The following TENM3 variants were observed in gnomAD, a reference collection of about 807,000 sequenced individuals.
The protein encoded by TENM3 is teneurin transmembrane protein 3.
In TENM3, 63 loss-of-function variants were observed where a neutral mutation model predicts 255.1. The observed-to-expected ratio is 0.25, with a 90% CI of 0.20 to 0.30. The LOEUF (loss-of-function observed/expected upper bound fraction) is 0.30. TENM3 is among the 10% of genes least tolerant of loss of function. The pLI is 1.00. For missense variants in TENM3, 2,929 were observed against 3,461.1 expected (o/e 0.85, Z 3.86); for synonymous variants, 1,306 against 1,322.3 (o/e 0.99, Z 0.27).
the TENM3 span, among the ~76,000 whole-genome samples, chr4:181,693,478 C>T: frequency 6.6e-6 from 1 of 152,166 alleles, no homozygotes; most frequent in Non-Finnish European, 1.5e-5. Flanking sequence ...GTCATCATCC[C>T]ATCTGAAACG....
chr4:182,011,976 G>C, the TENM3 span, among the ~76,000 whole-genome samples: 1 of 152,152 alleles, frequency 6.6e-6, no homozygotes, highest in Non-Finnish European at 1.5e-5. Context: ...AGACTTCATG[G>C]AGAGACCTAG....
chr4:182,472,668 A>G (rs2151461283), intron 3 of TENM3, among the ~76,000 whole-genome samples: 1 of 152,306 alleles, frequency 6.6e-6, no homozygotes, highest in East Asian at 1.9e-4. Flanking sequence ...AATAATTGCA[A>G]AGGATTAATT....
At chr4:181,984,952 T>C in the TENM3 span, among the ~76,000 whole-genome samples, 2 of 151,918 alleles carry the variant, frequency 1.3e-5, no homozygotes, top group African/African-American at 2.4e-5. Context: ...AATCAAATTA[T>C]ACTGGGAAAG....
chr4:181,798,210 C>A, the TENM3 span, among the ~76,000 whole-genome samples: 1 of 152,076 alleles, frequency 6.6e-6, no homozygotes, highest in African/African-American at 2.4e-5. Context: ...TCTTATTTTA[C>A]AAACGAGGGA....
At chr4:181,605,263 G>A in the TENM3 span, among the ~76,000 whole-genome samples, 339 of 151,644 alleles carry the variant, frequency 2.2e-3, no homozygotes, top group African/African-American at 7.6e-3. Flanking sequence ...GGCTAACATG[G>A]TGAAACCCCA....
intron 3 of TENM3, among the ~76,000 whole-genome samples, chr4:182,427,239 G>A (rs1047831753): frequency 6.6e-6 from 1 of 152,056 alleles, no homozygotes; most frequent in Admixed American, 6.6e-5. Context: ...TGGACGTTAG[G>A]ATATATTAAT....
At chr4:182,168,204 G>A (rs773830903) in intron 1 of TENM3, among the ~76,000 whole-genome samples, 2 of 151,564 alleles carry the variant, frequency 1.3e-5, no homozygotes, top group East Asian at 1.9e-4. Context: ...GTGCAATCAC[G>A]GGTCACAGCA....
At chr4:182,219,450 C>T (rs1310479485) in intron 1 of TENM3, among the ~76,000 whole-genome samples, 1 of 151,988 alleles carries the variant, frequency 6.6e-6, no homozygotes, top group Non-Finnish European at 1.5e-5. Flanking sequence ...ATTGCCTGAG[C>T]CCAAGAGTTC....
intron 1 of TENM3, among the ~76,000 whole-genome samples, chr4:182,158,708 C>T (rs970633087): frequency 1.3e-5 from 2 of 152,144 alleles, no homozygotes; most frequent in Non-Finnish European, 2.9e-5. Flanking sequence ...ATCTCTCCAT[C>T]TCTGCCTCCC....
chr4:182,402,646 G>A (rs540906181), intron 3 of TENM3, among the ~76,000 whole-genome samples: 1 of 152,164 alleles, frequency 6.6e-6, no homozygotes, highest in African/African-American at 2.4e-5. Context: ...GGTTTTCATT[G>A]GAATTTTTAT....
the TENM3 span, among the ~76,000 whole-genome samples, chr4:182,086,988 T>C: frequency 6.6e-6 from 1 of 152,214 alleles, no homozygotes; most frequent in Non-Finnish European, 1.5e-5. Flanking sequence ...GTGAATATTT[T>C]GAGTTCTTAC....
the TENM3 span, among the ~76,000 whole-genome samples, chr4:181,458,803 A>G: frequency 6.6e-6 from 1 of 151,934 alleles, no homozygotes; most frequent in Non-Finnish European, 1.5e-5. Context: ...TGCACCAATG[A>G]ATGGGCTTTT....
the TENM3 span, among the ~76,000 whole-genome samples, chr4:181,577,209 A>G: frequency 0.011 from 1,485 of 129,308 alleles, 7 homozygotes; most frequent in South Asian, 0.048. Flanking sequence ...ATATATATAT[A>G]TTTTTTTTTT....
At chr4:182,608,084 T>C (rs992290870) in intron 4 of TENM3, among the ~76,000 whole-genome samples, 1 of 152,218 alleles carries the variant, frequency 6.6e-6, no homozygotes, top group Non-Finnish European at 1.5e-5. Flanking sequence ...TACCATTCAC[T>C]AGTATTGTCT....
At chr4:181,486,444 G>C in the TENM3 span, among the ~76,000 whole-genome samples, 104 of 152,280 alleles carry the variant, frequency 6.8e-4, no homozygotes, top group Middle Eastern at 3.4e-3. Flanking sequence ...TGAAGAATAT[G>C]GCTCATTTAA....
intron 5 of TENM3, among the ~76,000 whole-genome samples, chr4:182,632,404 C>T (rs750703686): frequency 3.3e-5 from 5 of 152,150 alleles, no homozygotes; most frequent in South Asian, 4.1e-4. Context: ...TAACCACCAA[C>T]GCTAGTCATT....
chr4:182,664,829 T>C (rs1465778729), intron 6 of TENM3, among the ~76,000 whole-genome samples: 1 of 152,160 alleles, frequency 6.6e-6, no homozygotes, highest in East Asian at 1.9e-4. Context: ...TTCAAATCTA[T>C]GAAGGCTGAG....
the TENM3 span, among the ~76,000 whole-genome samples, chr4:182,100,614 T>TATATATACACACAC: frequency 1.2e-4 from 6 of 49,362 alleles, no homozygotes; most frequent in African/African-American, 3.9e-4. Context: ...TATACACACA[T>TATATATACACACAC]ATATATACAC....
the TENM3 span, among the ~76,000 whole-genome samples, chr4:182,018,347 C>T: frequency 6.6e-6 from 1 of 151,552 alleles, no homozygotes; most frequent in Non-Finnish European, 1.5e-5. Flanking sequence ...AACTATTTGC[C>T]TAACTCAGAG....
Sources: allele counts gnomAD v4.1 joint callset (sites outside exome capture counted in the v4.1 genomes callset), GRCh38; gene constraint gnomAD v4.1.1; transcripts MANE v1.5; gene names NCBI Gene and HGNC (gene_info 2026-07-23, HGNC 2026-07-21).